Variants in ZPR1 observed in about 807,000 individuals in gnomAD.
ZPR1 encodes zinc finger protein ZPR1.
In ZPR1, 37 loss-of-function variants were observed where a neutral mutation model predicts 59.6. That is an observed-to-expected ratio of 0.62 (90% CI 0.48 to 0.82). The LOEUF (loss-of-function observed/expected upper bound fraction) is 0.82. Ranked by LOEUF, ZPR1 falls within the 40% of genes least tolerant of loss-of-function variation. The pLI, the probability that ZPR1 is intolerant of heterozygous loss-of-function variation, is 0.00. For synonymous variants in ZPR1, 191 were observed against 215.2 expected, an observed-to-expected ratio of 0.89 and a Z score of 0.99; for missense variants, 527 against 579.9, an observed-to-expected ratio of 0.91 and a Z score of 0.94.
rs757376497 is a variant in ZPR1, at chr11:116,786,954, T to C, written c.424+15A>G. The C allele has an allele frequency of 1.2e-6, 2 of 1,609,212 alleles. No individual in the cohort carries two copies. Among genetic ancestry groups the C allele is most frequent in the East Asian group, 2.2e-5 (1 of 44,870 alleles). On this transcript the variant is annotated intron_variant, in intron 3 of 13. Coordinates refer to ENST00000227322, the MANE Select transcript of ZPR1 (RefSeq NM_003904.5). The stretch of plus-strand genomic sequence containing the variant: ...CTACATGCGAACAGCCCAAATACTC[T>C]GATCTTAAACTTACCTCCTTTCTGG...
intron 12 of ZPR1, 45 bp downstream of exon 12, chr11:116,782,113 T>C (rs1940815807): frequency 6.7e-7 from 1 of 1,502,026 alleles, no homozygotes; most frequent in East Asian, 2.3e-5. Flanking sequence ...TCCTGTTCAC[T>C]GGAGCCCCAG....
chr11:116,786,664 G>T, intron 3 of ZPR1, 83 bp from the exon 4 acceptor site: 1 of 1,183,870 alleles, frequency 8.4e-7, no homozygotes, highest in Non-Finnish European at 1.2e-6. Context: ...CAATTCACTT[G>T]AACTCTCTGG....
At chr11:116,781,342 T>G (rs1940802268) in intron 12 of ZPR1, among the ~76,000 whole-genome samples, 2 of 152,138 alleles carry the variant, frequency 1.3e-5, no homozygotes, top group African/African-American at 2.4e-5. Flanking sequence ...GGATGAAAAC[T>G]GACCCACACC....
intron 6 of ZPR1, 115 bp downstream of exon 6, chr11:116,785,399 C>G: frequency 6.8e-7 from 1 of 1,467,972 alleles, no homozygotes; most frequent in Non-Finnish European, 9.2e-7. Flanking sequence ...GAAGCACAAA[C>G]AAGCTGAGAT....
chr11:116,774,236 A>G lies in ZPR1; in HGVS notation c.*4689T>C, dbSNP rs1290693370. ...GTAGTAGTTCGGTGGGGGGGCACTT[A>G]AGCAAATTTGTCTTAGCAAACTTCA... On this transcript the variant is annotated 3_prime_UTR_variant, in exon 14 of 14. Transcript: ENST00000227322. 1.3e-5 allele frequency: 2 copies of G among 152,196 alleles called. No individual in the cohort carries two copies. Among genetic ancestry groups the G allele is most frequent in the Admixed American group, 1.3e-4 (2 of 15,288 alleles). The allele number at this position is 152,196 out of a possible 1,614,324, so 9.4% of individuals were successfully genotyped here.
chr11:116,785,764 A>G (rs1169774251), intron 5 of ZPR1, 32 bp downstream of exon 5: 1 of 1,612,340 alleles, frequency 6.2e-7, no homozygotes, highest in Non-Finnish European at 8.5e-7. Flanking sequence ...TCCTCCCCTA[A>G]TCAAGGGCAA....
chr11:116,783,636 C>T lies in ZPR1; in HGVS notation c.892-17G>A. On this transcript the variant is annotated splice_polypyrimidine_tract_variant and intron_variant, in intron 9 of 13. Coordinates refer to ENST00000227322, the MANE Select transcript of ZPR1 (RefSeq NM_003904.5). ...AGATTTCACCTGCATCGATAACAGT[C>T]AGGAGCAACAGAGAGAAGACCTGAG... 1 of 1,608,890 alleles carries T rather than the reference C, an allele frequency of 6.2e-7. No individual in the cohort carries two copies. The highest frequency in any genetic ancestry group is 8.5e-7 in the Non-Finnish European group (1 of 1,175,330).
At position 116,786,437 on chromosome 11, in the gene ZPR1, C is replaced by T. The variant is rs538136760; in HGVS notation, c.495+74G>A. 2.3e-5 allele frequency: 36 copies of T among 1,549,938 alleles called. 1 individual carries two copies. In the East Asian group the frequency reaches 7.7e-4, roughly 33 times the overall value. On this transcript the variant is annotated intron_variant, in intron 4 of 13. Coordinates refer to ENST00000227322, the MANE Select transcript of ZPR1 (RefSeq NM_003904.5). ...CAAGTTTCCAACACTTAGTCAGAGACTCTTCAGACACATGGGACACTCTAT... is the reference window on the plus strand; with the variant it reads ...CAAGTTTCCAACACTTAGTCAGAGATTCTTCAGACACATGGGACACTCTAT...
chr11:116,781,276 G>A (rs1940801580), intron 12 of ZPR1, among the ~76,000 whole-genome samples: 1 of 152,010 alleles, frequency 6.6e-6, no homozygotes, highest in Non-Finnish European at 1.5e-5. Flanking sequence ...TCCTAGAACT[G>A]AACCACATGA....
intron 12 of ZPR1, among the ~76,000 whole-genome samples, chr11:116,780,550 C>T (rs1416563461): frequency 6.6e-6 from 1 of 151,836 alleles, no homozygotes; most frequent in South Asian, 2.1e-4. Flanking sequence ...TAGATCCTTT[C>T]CCCTCTACTT....
In ZPR1 at chr11:116,787,977, C is replaced by G. The variant is rs1259964989; in HGVS notation, c.14G>C (p.Gly5Ala). Residue 5 changes from glycine (G) to alanine (A), a missense_variant, in exon 1 of 14, where the codon GGG (glycine) becomes GCG (alanine). Coordinates refer to ENST00000227322, the MANE Select transcript of ZPR1 (RefSeq NM_003904.5). ...CCCCGGGGGCCCTGGTTCCACAGCC[C>G]CGCTGGCCGCCATGGCCACCACGCG... is the stretch of plus-strand genomic sequence containing the variant. MAASGAVEPGPPGAA... is the reference protein window; with the variant it reads MAASAAVEPGPPGAA... The G allele has an allele frequency of 6.3e-6, 9 of 1,428,458 alleles. No homozygotes were observed. The Admixed American group carries it at 2.5e-4, about 40-fold the overall frequency. 88.5% of individuals were successfully genotyped at this position (1,428,458 alleles called of 1,614,324 possible).
At position 116,774,034 on chromosome 11, in the gene ZPR1, G is replaced by C. The variant is rs1940687752; in HGVS notation, c.*4891C>G. On this transcript the variant is annotated 3_prime_UTR_variant, in exon 14 of 14. Transcript: ENST00000227322. ...GTCATCCAAATTTCTTGAAATACCA[G>C]ATCTTTTTACCTCATCATATATGTT... The C allele has an allele frequency of 2.6e-5, 4 of 152,242 alleles. No individual in the cohort carries two copies. The highest frequency in any genetic ancestry group is 2.6e-4 in the Admixed American group (4 of 15,288). 9.4% of individuals were successfully genotyped at this position (152,242 alleles called of 1,614,324 possible). A position where few individuals can be genotyped will look rare whatever the true frequency, so the allele number is the denominator to read the frequency against.
chr11:116,778,776 T>C lies in ZPR1; in HGVS notation c.*149A>G. 2 of 970,098 alleles carry C rather than the reference T, an allele frequency of 2.1e-6. No homozygotes were observed. The highest frequency in any genetic ancestry group is 2.6e-5 in the East Asian group (1 of 38,138). 60.1% of individuals were successfully genotyped at this position (970,098 alleles called of 1,614,324 possible). A position where few individuals can be genotyped will look rare whatever the true frequency, so the allele number is the denominator to read the frequency against. The stretch of plus-strand genomic sequence containing the variant: ...TGCATCACAAGCTGTTTAGAAAGTG[T>C]GCACAGATCTCTGACTCAGACCAGA... On this transcript the variant is annotated 3_prime_UTR_variant, in exon 14 of 14. Transcript: ENST00000227322.
In ZPR1 at chr11:116,787,928, G is replaced by A. The variant is rs1329041881; in HGVS notation, c.63C>T (p.Ala21=). The A allele has an allele frequency of 4.0e-6, 6 of 1,489,920 alleles. No individual in the cohort carries two copies. Among genetic ancestry groups the A allele is most frequent in the Non-Finnish European group, 5.3e-6 (6 of 1,126,810 alleles). The allele number at this position is 1,489,920 out of a possible 1,614,324, so 92.3% of individuals were successfully genotyped here. ...GATCAGGGGCAGGCGGCGGGGCCGG[G>A]GCGGGCGACGGGGCGACGGCAGCCC... ...PPGAAVAPSP[A]PAPPPAPDHL... The change falls in exon 1 of 14, where the codon GCC becomes GCT. Residue 21 remains alanine (A), a synonymous_variant. Coordinates refer to ENST00000227322, the MANE Select transcript of ZPR1 (RefSeq NM_003904.5).
rs1009434578 is a variant in ZPR1, at chr11:116,778,885, A to G, written c.*40T>C. ...TCCAATACTAATAAATAACCTACAG[A>G]AAGAGCAGCGCTGGAGGCTGGCCCT... is the stretch of plus-strand genomic sequence containing the variant. On this transcript the variant is annotated 3_prime_UTR_variant, in exon 14 of 14. Coordinates refer to ENST00000227322, the MANE Select transcript of ZPR1 (RefSeq NM_003904.5). 1.2e-6 allele frequency: 2 copies of G among 1,602,892 alleles called. No individual in the cohort carries two copies. The highest frequency in any genetic ancestry group is 1.7e-6 in the Non-Finnish European group (2 of 1,176,436).
In ZPR1 at chr11:116,786,402, GC is replaced by G. The variant is rs1248283792; in HGVS notation, c.495+108del. ...TCTAGCAGCTCCAGCACCACCATATGCTTACCCAGCAAGTTTCCAACACTTA... is the reference window on the plus strand; with the variant it reads ...TCTAGCAGCTCCAGCACCACCATATGTTACCCAGCAAGTTTCCAACACTTA... On this transcript the variant is annotated intron_variant, in intron 4 of 13. Transcript: ENST00000227322. The G allele has an allele frequency of 1.1e-5, 14 of 1,226,116 alleles. No homozygotes were observed. The African/African-American group carries it at 1.8e-4, about 16-fold the overall frequency. 76.0% of individuals were successfully genotyped at this position (1,226,116 alleles called of 1,614,324 possible).
intron 2 of ZPR1, 92 bp from the exon 3 acceptor site, chr11:116,787,151 GC>G: frequency 1.7e-6 from 2 of 1,160,810 alleles, no homozygotes; most frequent in Non-Finnish European, 1.3e-6. Flanking sequence ...TCAGACCGCA[GC>G]CCAGCTGTCT....
Position 116,783,022 on chromosome 11 carries a change from G to T in ZPR1, c.989C>A (p.Thr330Asn). The T allele has an allele frequency of 6.2e-7, 1 of 1,613,564 alleles. No homozygotes were observed. Among genetic ancestry groups the T allele is most frequent in the Non-Finnish European group, 8.5e-7 (1 of 1,179,468 alleles). The part of the protein sequence containing the change: ...DMTRDLLKSE[T>N]CSVEIPELEF... ...TAGCTCTGGGATTTCCACACTGCAA[G>T]TCTCAGACTGTGAAATGAGAGGTCA... Residue 330 changes from threonine to asparagine, a missense_variant, in exon 11 of 14, where the codon ACT becomes AAT. Physicochemically the swap from Thr to Asn is moderately conservative, Grantham distance 65 (BLOSUM62 0). Coordinates refer to ENST00000227322, the MANE Select transcript of ZPR1 (RefSeq NM_003904.5).
intron 1 of ZPR1, 80 bp from the exon 2 acceptor site, chr11:116,787,723 G>A: frequency 1.3e-6 from 2 of 1,539,188 alleles, no homozygotes; most frequent in South Asian, 1.2e-5. Context: ...GCGCTCCTCG[G>A]GGTCCCCGGC....
Sources: gnomAD v4.1 joint callset for allele counts (sites outside exome capture counted in the v4.1 genomes callset) on GRCh38, gnomAD v4.1.1 for gene constraint, MANE v1.5 for transcripts, NCBI Gene and HGNC (gene_info 2026-07-23, HGNC 2026-07-21) for gene names.